The following KYNU variants were observed in gnomAD, a reference collection of about 807,000 sequenced individuals.
KYNU encodes L-kynurenine hydrolase.
Under a neutral mutation model 59.2 loss-of-function variants are expected in KYNU, and 54 were observed. That is an observed-to-expected ratio of 0.91 (90% CI 0.73 to 1.14). KYNU has a LOEUF of 1.14. Among genes scored for constraint, KYNU ranks in the 50% most tolerant of loss-of-function variants. The probability of loss-of-function intolerance (pLI) is 0.00; values close to 1 mark genes in which losing one functional copy is unlikely to be tolerated. For missense variants in KYNU, 567 were observed against 554.4 expected (o/e 1.02, Z -0.23); for synonymous variants, 177 against 192.0 (o/e 0.92, Z 0.65).
intron 3 of KYNU, among the ~76,000 whole-genome samples, chr2:142,925,495 T>C (rs1242703990): frequency 6.6e-6 from 1 of 152,240 alleles, no homozygotes; most frequent in Non-Finnish European, 1.5e-5. Context: ...AACAGGGTAC[T>C]ATGTAACCGT....
intron 5 of KYNU, among the ~76,000 whole-genome samples, chr2:142,955,963 T>G (rs959581124): frequency 2.0e-5 from 3 of 152,128 alleles, no homozygotes; most frequent in Non-Finnish European, 4.4e-5. Context: ...CGTTATCACA[T>G]TCACATTTTC....
At chr2:143,035,826 G>A (rs1040580420) in intron 12 of KYNU, among the ~76,000 whole-genome samples, 17 of 152,114 alleles carry the variant, frequency 1.1e-4, no homozygotes, top group African/African-American at 3.4e-4. Flanking sequence ...CTCCTAGAGT[G>A]CAGTGATGGG....
At chr2:143,012,117 CA>C (rs1686123364) in intron 10 of KYNU, among the ~76,000 whole-genome samples, 2 of 150,920 alleles carry the variant, frequency 1.3e-5, no homozygotes, top group South Asian at 4.2e-4. Context: ...AGGGTGTCCC[CA>C]AGTTGGAGGT....
Position 142,988,729 on chromosome 2 carries a change from C to T in KYNU, c.902+2708C>T, listed in dbSNP as rs1685299801. The T allele has an allele frequency of 3.0e-5, 24 of 808,054 alleles. 1 individual carries two copies. Among genetic ancestry groups the T allele is most frequent in the Middle Eastern group, 2.9e-4 (1 of 3,474 alleles). 50.1% of individuals were successfully genotyped at this position (808,054 alleles called of 1,614,324 possible). A position where few individuals can be genotyped will look rare whatever the true frequency, so the allele number is the denominator to read the frequency against. On this transcript the variant is annotated intron_variant, in intron 10 of 13. Transcript: ENST00000264170. The stretch of plus-strand genomic sequence containing the variant: ...GTTGTTTTTCTGTTTATTGTTTTCT[C>T]ACACTCCTAAGCTTCTTTTTAAGTG...
At chr2:143,021,355 G>C (rs535066070) in intron 10 of KYNU, among the ~76,000 whole-genome samples, 5 of 152,030 alleles carry the variant, frequency 3.3e-5, no homozygotes, top group Non-Finnish European at 5.9e-5. Flanking sequence ...TTTCCCAAAT[G>C]ACATTAGAAT....
chr2:142,932,163 T>C (rs943435737), intron 4 of KYNU, among the ~76,000 whole-genome samples: 1 of 151,808 alleles, frequency 6.6e-6, no homozygotes, highest in Non-Finnish European at 1.5e-5. Flanking sequence ...GCTGGAAAGG[T>C]GAGGACAAGT....
At chr2:143,010,136 T>G (rs1424604721) in intron 10 of KYNU, among the ~76,000 whole-genome samples, 2 of 140,836 alleles carry the variant, frequency 1.4e-5, no homozygotes, top group Non-Finnish European at 3.0e-5. Flanking sequence ...TGTTTGCAGA[T>G]GACATGATTC....
chr2:142,918,398 TA>T (rs1191105080), intron 2 of KYNU, among the ~76,000 whole-genome samples: 1 of 152,140 alleles, frequency 6.6e-6, no homozygotes, highest in Non-Finnish European at 1.5e-5. Flanking sequence ...GAGATCCTCA[TA>T]ATAGCCTCTA....
At chr2:143,001,699 A>G (rs1458199285) in intron 10 of KYNU, among the ~76,000 whole-genome samples, 1 of 152,152 alleles carries the variant, frequency 6.6e-6, no homozygotes, top group African/African-American at 2.4e-5. Context: ...GTTCCTGATT[A>G]TTTATTGAGC....
At chr2:142,935,799 G>A (rs910254888) in intron 4 of KYNU, among the ~76,000 whole-genome samples, 4 of 152,134 alleles carry the variant, frequency 2.6e-5, no homozygotes, top group Admixed American at 2.0e-4. Context: ...TCCTGCTGAG[G>A]GTATGAAGGG....
At chr2:143,021,002 G>A (rs567557081) in intron 10 of KYNU, among the ~76,000 whole-genome samples, 12 of 152,210 alleles carry the variant, frequency 7.9e-5, no homozygotes, top group South Asian at 4.1e-4. Context: ...CAATGGTATC[G>A]CAATGTAGTT....
intron 2 of KYNU, among the ~76,000 whole-genome samples, chr2:142,914,436 G>A (rs1018846203): frequency 6.6e-6 from 1 of 152,168 alleles, no homozygotes. Context: ...CTTCTAGTCA[G>A]CCATCTTGAG....
At chr2:142,955,625 A>G (rs182844052) in intron 5 of KYNU, among the ~76,000 whole-genome samples, 5 of 152,192 alleles carry the variant, frequency 3.3e-5, no homozygotes, top group African/African-American at 1.2e-4. Flanking sequence ...AAAGATCTGC[A>G]TGAGAATTAA....
chr2:142,911,646 A>C (rs1034509336), intron 2 of KYNU, among the ~76,000 whole-genome samples: 56 of 152,176 alleles, frequency 3.7e-4, no homozygotes, highest in African/African-American at 1.3e-3. Context: ...GAATACCTCC[A>C]GCTTTTATTC....
At chr2:142,946,736 C>G (rs1683794449) in intron 4 of KYNU, among the ~76,000 whole-genome samples, 1 of 152,140 alleles carries the variant, frequency 6.6e-6, no homozygotes, top group African/African-American at 2.4e-5. Context: ...AACTTAAAGT[C>G]ATTAGCTATG....
At chr2:143,010,615 G>A (rs1271273409) in intron 10 of KYNU, among the ~76,000 whole-genome samples, 1 of 143,842 alleles carries the variant, frequency 7.0e-6, no homozygotes. Flanking sequence ...TCAATCCTAA[G>A]CCAAAAGAAC....
At chr2:142,947,026 G>C in intron 4 of KYNU, 2 of 1,544,724 alleles carry the variant, frequency 1.3e-6, no homozygotes, top group Non-Finnish European at 1.7e-6. Context: ...GTACCCTTTT[G>C]TGGGCTGATT....
At chr2:142,911,204 G>T (rs1204788393) in intron 2 of KYNU, among the ~76,000 whole-genome samples, 1 of 152,100 alleles carries the variant, frequency 6.6e-6, no homozygotes, top group African/African-American at 2.4e-5. Flanking sequence ...AGTATGGAAT[G>T]TTTTTCTATT....
chr2:142,987,557 C>A (rs1380174705), intron 10 of KYNU, among the ~76,000 whole-genome samples: 1 of 151,968 alleles, frequency 6.6e-6, no homozygotes, highest in East Asian at 1.9e-4. Context: ...ACCATCTAGG[C>A]AGACCAGGTT....
Sources: allele counts gnomAD v4.1 joint callset (sites outside exome capture counted in the v4.1 genomes callset), GRCh38; gene constraint gnomAD v4.1.1; transcripts MANE v1.5; gene names NCBI Gene and HGNC (gene_info 2026-07-23, HGNC 2026-07-21).